DGKB: variants seen among roughly 807,000 people sequenced by gnomAD.
DGKB encodes diacylglycerol kinase beta.
Under a neutral mutation model 114.3 loss-of-function variants are expected in DGKB, and 67 were observed. The ratio of observed to expected loss-of-function variants is 0.59; its 90% confidence interval spans 0.48 to 0.72. The LOEUF (loss-of-function observed/expected upper bound fraction) is 0.72. Among genes scored for constraint, DGKB ranks in the 30% least tolerant of loss-of-function variants. DGKB has a pLI of 0.00. For synonymous variants in DGKB, 398 were observed against 323.1 expected (o/e 1.23, Z -2.49); for missense variants, 907 against 975.2 (o/e 0.93, Z 0.93).
chr7:14,491,898 G>C (rs888008864), intron 20 of DGKB, among the ~76,000 whole-genome samples: 1 of 151,858 alleles, frequency 6.6e-6, no homozygotes, highest in African/African-American at 2.4e-5. Flanking sequence ...TATCTAACTT[G>C]TTAGAAAAAT....
intron 1 of DGKB, among the ~76,000 whole-genome samples, chr7:14,918,643 C>T (rs188711393): frequency 6.6e-6 from 1 of 152,150 alleles, no homozygotes; most frequent in Non-Finnish European, 1.5e-5. Context: ...GTTTCATATC[C>T]ATAGTAGGAA....
Position 14,407,845 on chromosome 7 carries a change from A to G in DGKB, c.1836-62454T>C, listed in dbSNP as rs1477929584. Among the ~76,000 whole-genome samples the G allele has an allele frequency of 3.3e-5, 5 of 152,184 alleles. 1 individual carries two copies. In the East Asian group the frequency reaches 9.7e-4, roughly 29 times the overall value. On this transcript the variant is annotated intron_variant, in intron 21 of 25. Coordinates refer to ENST00000402815, the MANE Select transcript of DGKB (RefSeq NM_001350709.2). Reference sequence around the variant, plus strand: ...GAATGGAAGTCAACAGAGATCAGCAACAAGAGAGATAGAATAGACAGAACT... The same window carrying G: ...GAATGGAAGTCAACAGAGATCAGCAGCAAGAGAGATAGAATAGACAGAACT...
At chr7:14,601,934 A>AT (rs898563685) in intron 17 of DGKB, among the ~76,000 whole-genome samples, 121 of 151,100 alleles carry the variant, frequency 8.0e-4, no homozygotes, top group African/African-American at 2.9e-3. Context: ...TTCTTCTTCT[A>AT]TCCCCCACCT....
At chr7:14,446,637 C>T (rs908127026) in intron 21 of DGKB, among the ~76,000 whole-genome samples, 1 of 152,124 alleles carries the variant, frequency 6.6e-6, no homozygotes, top group African/African-American at 2.4e-5. Flanking sequence ...TCTGAGCTTT[C>T]TCTAAGTTTT....
rs79659759 is a variant in DGKB at position 14,546,550 on chromosome 7, T to A, written c.1770+27662A>T. Among the ~76,000 whole-genome samples the A allele has an allele frequency of 5.3e-3, 806 of 152,186 alleles. 6 individuals are homozygous for A. Among genetic ancestry groups the A allele is most frequent in the Middle Eastern group, 0.02 (6 of 294 alleles). On this transcript the variant is annotated intron_variant, in intron 20 of 25. Transcript: ENST00000402815. ...ATGCTCAACTACTGCATTTTAAACATCCCCCTAGGTTTTTCTGGTGGAACT... is the reference window on the plus strand; with the variant it reads ...ATGCTCAACTACTGCATTTTAAACAACCCCCTAGGTTTTTCTGGTGGAACT...
At chr7:14,355,490 G>A (rs891968664) in intron 21 of DGKB, among the ~76,000 whole-genome samples, 1 of 152,152 alleles carries the variant, frequency 6.6e-6, no homozygotes, top group African/African-American at 2.4e-5. Flanking sequence ...AGCATGAAGG[G>A]CTGTTGAATT....
intron 23 of DGKB, among the ~76,000 whole-genome samples, chr7:14,321,674 C>T (rs895464830): frequency 1.3e-5 from 2 of 151,162 alleles, no homozygotes; most frequent in South Asian, 2.1e-4. Flanking sequence ...TTATTGATGG[C>T]ATGATATTTA....
rs773625201 is a variant in DGKB at position 14,685,279 on chromosome 7, C to A, written c.795G>T (p.Leu265=). The change falls in exon 10 of 26, where the codon CTG becomes CTT. Residue 265 remains leucine (L), a synonymous_variant. Coordinates refer to ENST00000402815, the MANE Select transcript of DGKB (RefSeq NM_001350709.2). ...PAYCNLCLNM[L]IGVGKQGLCC... ...AGAGGCCCTGCTTCCCCACGCCAAT[C>A]AGCATGTTCAGGCAAAGGTTGCAAT... 4 of 1,613,778 alleles carry A rather than the reference C, an allele frequency of 2.5e-6. No individual in the cohort carries two copies. The East Asian group carries it at 8.9e-5, about 36-fold the overall frequency.
In DGKB at chr7:14,451,816, G is replaced by A. The variant is rs180926834; in HGVS notation, c.1835+26345C>T. Reference sequence around the variant, plus strand: ...ACAAGATCAGCTATTTACTTAATCAGTGAGATGCCCCAAACTCTTACTTCA... The same window carrying A: ...ACAAGATCAGCTATTTACTTAATCAATGAGATGCCCCAAACTCTTACTTCA... On this transcript the variant is annotated intron_variant, in intron 21 of 25. Coordinates refer to ENST00000402815, the MANE Select transcript of DGKB (RefSeq NM_001350709.2). 3.8e-3 allele frequency among the ~76,000 whole-genome samples: 580 copies of A among 152,160 alleles called. 4 individuals carry two copies. The highest frequency in any genetic ancestry group is 0.014 in the African/African-American group (564 of 41,542).
At chr7:14,946,099 G>C (rs1016722101) in intron 1 of DGKB, among the ~76,000 whole-genome samples, 4 of 149,812 alleles carry the variant, frequency 2.7e-5, no homozygotes, top group Non-Finnish European at 4.4e-5. Flanking sequence ...GGGTATTCTT[G>C]AGATCTCTTT....
chr7:14,537,302 A>G (rs1055636049), intron 20 of DGKB, among the ~76,000 whole-genome samples: 1 of 152,206 alleles, frequency 6.6e-6, no homozygotes, highest in African/African-American at 2.4e-5. Flanking sequence ...ATTTTTATAC[A>G]GAAATAGAAA....
At chr7:14,494,554 G>A (rs1785034959) in intron 20 of DGKB, among the ~76,000 whole-genome samples, 1 of 151,770 alleles carries the variant, frequency 6.6e-6, no homozygotes, top group South Asian at 2.1e-4. Flanking sequence ...CACACTTATG[G>A]CTTAATATGG....
chr7:14,769,486 T>A (rs2128469195), intron 2 of DGKB, among the ~76,000 whole-genome samples: 1 of 151,762 alleles, frequency 6.6e-6, no homozygotes, highest in Middle Eastern at 3.4e-3. Context: ...ATATTGGGAT[T>A]TTTTTTTAAC....
At chr7:14,685,628 C>T (rs1307068919) in intron 9 of DGKB, among the ~76,000 whole-genome samples, 1 of 152,150 alleles carries the variant, frequency 6.6e-6, no homozygotes, top group Non-Finnish European at 1.5e-5. Context: ...AAGCCATCGT[C>T]ATGACCTGCC....
chr7:14,928,277 T>A (rs776892806), intron 1 of DGKB, among the ~76,000 whole-genome samples: 9 of 151,914 alleles, frequency 5.9e-5, no homozygotes, highest in Non-Finnish European at 1.2e-4. Flanking sequence ...ACAAGGAATT[T>A]TCAAATATTC....
rs535793779 is a variant in DGKB, at chr7:14,456,740, T to C, written c.1835+21421A>G. ...CATTTGTAATTGTTTCAAGTTTATA[T>C]AAAGAATTAAATATATTTTAACAAG... On this transcript the variant is annotated intron_variant, in intron 21 of 25. Coordinates refer to ENST00000402815, the MANE Select transcript of DGKB (RefSeq NM_001350709.2). 1.3e-4 allele frequency among the ~76,000 whole-genome samples: 20 copies of C among 152,236 alleles called. No homozygotes were observed. In the East Asian group the frequency reaches 3.5e-3, roughly 26 times the overall value.
At chr7:14,477,286 G>T (rs1324024774) in intron 21 of DGKB, among the ~76,000 whole-genome samples, 1 of 152,168 alleles carries the variant, frequency 6.6e-6, no homozygotes, top group Non-Finnish European at 1.5e-5. Context: ...CCAGGTGCAG[G>T]TATCTAATAA....
chr7:14,239,904 C>T (rs1364561338), intron 23 of DGKB, among the ~76,000 whole-genome samples: 3 of 151,944 alleles, frequency 2.0e-5, no homozygotes, highest in Non-Finnish European at 4.4e-5. Context: ...GGGACTAATA[C>T]GTATCTATTT....
At chr7:14,707,589 T>C (rs1193249362) in intron 6 of DGKB, among the ~76,000 whole-genome samples, 1 of 80,138 alleles carries the variant, frequency 1.2e-5, no homozygotes, top group African/African-American at 4.7e-5. Context: ...GCAAACCGAA[T>C]CCAGCAGCAC....
Sources: gnomAD v4.1 joint callset for allele counts (sites outside exome capture counted in the v4.1 genomes callset) on GRCh38, gnomAD v4.1.1 for gene constraint, MANE v1.5 for transcripts, NCBI Gene and HGNC (gene_info 2026-07-23, HGNC 2026-07-21) for gene names.